NADK: variants seen among roughly 807,000 people sequenced by gnomAD.
The protein encoded by NADK is NAD kinase.
Under a neutral mutation model 49.8 loss-of-function variants are expected in NADK, and 22 were observed. That is an observed-to-expected ratio of 0.44 (90% CI 0.32 to 0.63). The LOEUF is 0.63. NADK is among the 30% of genes least tolerant of loss of function. The pLI, the probability that NADK is intolerant of heterozygous loss-of-function variation, is 0.06. For missense variants in NADK, 438 were observed against 609.4 expected, an observed-to-expected ratio of 0.72 and a Z score of 2.96; for synonymous variants, 268 against 253.7, an observed-to-expected ratio of 1.06 and a Z score of -0.54.
chr1:1,768,677 G>A (rs905848043), intron 1 of NADK, among the ~76,000 whole-genome samples: 1 of 152,178 alleles, frequency 6.6e-6, no homozygotes, highest in African/African-American at 2.4e-5. Flanking sequence ...GAGTCTTTAC[G>A]ATGAACCAAA....
At chr1:1,756,202 G>A (rs1357027264) in intron 6 of NADK, 56 bp downstream of exon 6, 10 of 1,489,540 alleles carry the variant, frequency 6.7e-6, no homozygotes, top group African/African-American at 1.4e-5. Flanking sequence ...TGAGCCCCTC[G>A]TTACGCAGCA....
At chr1:1,780,423 GCTCCAGCAGCTGCCCCGT>G (rs1349410559), upstream of NADK, 1 of 152,158 alleles carries the variant, frequency 6.6e-6, no homozygotes, top group Non-Finnish European at 1.5e-5. Flanking sequence ...TGTGTAGGGA[GCTCCAGCAGCTGCCCCGT>G]CTGTGGCATG....
At chr1:1,771,460 C>T (rs1200143136) in intron 1 of NADK, among the ~76,000 whole-genome samples, 1 of 152,060 alleles carries the variant, frequency 6.6e-6, no homozygotes, top group Non-Finnish European at 1.5e-5. Flanking sequence ...AGAACAAACG[C>T]GAAGGGCTAA....
At chr1:1,753,990 C>T (rs1645422967) in intron 10 of NADK, 61 bp downstream of exon 10, 1 of 1,516,928 alleles carries the variant, frequency 6.6e-7, no homozygotes. Flanking sequence ...TAGGTCCCGG[C>T]TTTGTGTTGC....
chr1:1,753,530 T>C (rs1570493858), intron 11 of NADK, 37 bp downstream of exon 11: 3 of 1,576,452 alleles, frequency 1.9e-6, no homozygotes, highest in South Asian at 1.1e-5. Flanking sequence ...GGGGAGGAGG[T>C]TGGCAGGCAG....
chr1:1,757,519 C>A (rs931520827), intron 3 of NADK, among the ~76,000 whole-genome samples: 3 of 152,002 alleles, frequency 2.0e-5, no homozygotes, highest in African/African-American at 7.3e-5. Context: ...CCACCTCTCA[C>A]CTGCTTGGCC....
rs1005298060 is a variant in NADK, at chr1:1,762,537, C to T, written c.180-502G>A. 7.2e-5 allele frequency among the ~76,000 whole-genome samples: 11 copies of T among 152,262 alleles called. No individual in the cohort carries two copies. In the East Asian group the frequency reaches 1.4e-3, roughly 19 times the overall value. Reference sequence around the variant, plus strand: ...TCAGGAGGCTGAGGTGGGTGGATCACGTGAGGTCAGGAGTTTGAGACCAGC... The same window carrying T: ...TCAGGAGGCTGAGGTGGGTGGATCATGTGAGGTCAGGAGTTTGAGACCAGC... On this transcript the variant is annotated intron_variant, in intron 2 of 11. Transcript: ENST00000341426.
chr1:1,770,004 CAAAAACAAAAAA>C (rs1196071992), intron 1 of NADK, among the ~76,000 whole-genome samples: 1 of 99,590 alleles, frequency 1.0e-5, no homozygotes, highest in Non-Finnish European at 2.6e-5. Flanking sequence ...AAAACAAAAA[CAAAAACAAAAAA>C]ATTAGCCTGG....
chr1:1,754,752 G>T lies in NADK; in HGVS notation c.689-54C>A. The T allele has an allele frequency of 6.5e-7, 1 of 1,532,916 alleles. No individual in the cohort carries two copies. 95.0% of individuals were successfully genotyped at this position (1,532,916 alleles called of 1,614,324 possible). On this transcript the variant is annotated intron_variant, in intron 7 of 11. Coordinates refer to ENST00000341426, the MANE Select transcript of NADK (RefSeq NM_023018.5). The surrounding 1 kb of genome is among the most constrained non-coding windows in gnomAD (Gnocchi z 4.3). ...GCATCAGGGAAGTCAGTGGGGTCAG[G>T]GGCCCCACCCCAGGGAGGCCAGTGG...
Position 1,758,332 on chromosome 1 carries a change from G to A in NADK, c.264-1022C>T, listed in dbSNP as rs758063972. ...ACAGGGCCACAGACCTTAGCCCATCGCTTGTGACCTTCGGAAGCTGGTCAG... is the reference window on the plus strand; with the variant it reads ...ACAGGGCCACAGACCTTAGCCCATCACTTGTGACCTTCGGAAGCTGGTCAG... On this transcript the variant is annotated intron_variant, in intron 3 of 11. Transcript: ENST00000341426. The A allele has an allele frequency of 8.2e-6, 13 of 1,584,844 alleles. No individual in the cohort carries two copies. In the East Asian group the frequency reaches 1.1e-4, roughly 14 times the overall value.
intron 4 of NADK, 95 bp from the exon 5 acceptor site, chr1:1,756,703 G>T: frequency 6.9e-6 from 11 of 1,594,518 alleles, no homozygotes; most frequent in Non-Finnish European, 9.4e-6. Flanking sequence ...CAGAGACCTG[G>T]CATCGTGGCC....
chr1:1,767,335 A>T (rs188846012), intron 1 of NADK, among the ~76,000 whole-genome samples: 221 of 152,366 alleles, frequency 1.5e-3, no homozygotes, highest in African/African-American at 5.1e-3. Flanking sequence ...GATCAAAGTG[A>T]AGATCAGACC....
chr1:1,769,307 A>T (rs1645976091), intron 1 of NADK, among the ~76,000 whole-genome samples: 1 of 152,136 alleles, frequency 6.6e-6, no homozygotes, highest in Non-Finnish European at 1.5e-5. Context: ...AGCACTTTGG[A>T]AGGCCGAAGC....
At chr1:1,771,212 G>A (rs1396162549) in intron 1 of NADK, among the ~76,000 whole-genome samples, 1 of 151,518 alleles carries the variant, frequency 6.6e-6, no homozygotes, top group African/African-American at 2.4e-5. Flanking sequence ...ACTGCACACT[G>A]AAAACTACAA....
In NADK at chr1:1,765,216, T is replaced by TC. The variant is rs745320230; in HGVS notation, c.179+11dup. 1 of 1,563,340 alleles carries TC rather than the reference T, an allele frequency of 6.4e-7. No individual in the cohort carries two copies. The highest frequency in any genetic ancestry group is 2.3e-5 in the East Asian group (1 of 43,628). ...CGAGAAAAAAAAGAGGAACCATCCC[T>TC]CCCAGTTGTACCTGAACTCCTTGGT... On this transcript the variant is annotated intron_variant, in intron 2 of 11. Coordinates refer to ENST00000341426, the MANE Select transcript of NADK (RefSeq NM_023018.5).
At chr1:1,767,148 C>A (rs530206168) in intron 1 of NADK, among the ~76,000 whole-genome samples, 42 of 152,178 alleles carry the variant, frequency 2.8e-4, no homozygotes, top group African/African-American at 9.2e-4. Flanking sequence ...AACTCTTGAC[C>A]TCAAATGATC....
At chr1:1,780,182 G>A (rs532214784), upstream of NADK, 2 of 152,472 alleles carry the variant, frequency 1.3e-5, no homozygotes, top group Admixed American at 6.5e-5. Flanking sequence ...TTTCTTTGGC[G>A]GGGGGAGAGG....
intron 3 of NADK, chr1:1,759,764 G>A: frequency 6.4e-7 from 1 of 1,556,290 alleles, no homozygotes. Context: ...TCTGGCCTCG[G>A]GCAGCTCGGG....
chr1:1,762,470 C>T (rs564688524), intron 2 of NADK, among the ~76,000 whole-genome samples: 1 of 152,262 alleles, frequency 6.6e-6, no homozygotes, highest in African/African-American at 2.4e-5. Flanking sequence ...ATAAAAAAGA[C>T]GTAGGCCGGG....
Sources: allele counts gnomAD v4.1 joint callset (sites outside exome capture counted in the v4.1 genomes callset), GRCh38; gene constraint gnomAD v4.1.1; non-coding constraint Gnocchi (gnomAD v3.1); transcripts MANE v1.5; gene names NCBI Gene and HGNC (gene_info 2026-07-23, HGNC 2026-07-21).